Variants in PRKAR1A observed in about 807,000 individuals in gnomAD.
The protein encoded by PRKAR1A is cAMP-dependent protein kinase type I-alpha regulatory subunit.
A neutral mutation model predicts 52.0 loss-of-function variants in PRKAR1A; 3 were observed. That is an observed-to-expected ratio of 0.06 (90% confidence interval 0.03 to 0.15). The LOEUF is 0.15. PRKAR1A is among the 10% of genes least tolerant of loss of function. PRKAR1A has a pLI of 1.00. For synonymous variants in PRKAR1A, 188 were observed against 168.4 expected (o/e 1.12, Z -0.90); for missense variants, 240 against 477.4 (o/e 0.50, Z 4.63).
chr17:68,533,374 C>G lies in PRKAR1A; in HGVS notation c.*2925C>G. On this transcript the variant is annotated 3_prime_UTR_variant, in exon 11 of 11. Transcript: ENST00000589228. ...CTTTTCTAGATTCAGTAATCCCTTC[C>G]CCCCGTCCTCTGGAGTATGAAACCT... 2 of 1,062,114 alleles carry G rather than the reference C, an allele frequency of 1.9e-6. No homozygotes were observed. Among genetic ancestry groups the G allele is most frequent in the South Asian group, 9.1e-5 (2 of 21,936 alleles). The allele number at this position is 1,062,114 out of a possible 1,614,324, so 65.8% of individuals were successfully genotyped here.
Position 68,546,038 on chromosome 17 carries a change from G to A in PRKAR1A, c.974-5046G>A, listed in dbSNP as rs367637248. Among the ~76,000 whole-genome samples the A allele has an allele frequency of 3.0e-3, 455 of 150,696 alleles. 6 individuals carry two copies. Among genetic ancestry groups the A allele is most frequent in the African/African-American group, 0.01 (415 of 40,340 alleles). The stretch of plus-strand genomic sequence containing the variant: ...CAAAAAATTAGCCAGGCATGGTGGC[G>A]CATGCCTGTAGTCCCAGCTACTTGG... On this transcript the variant is annotated intron_variant, in intron 11 of 11. Transcript: ENST00000585981.
downstream of PRKAR1A, chr17:68,535,826 C>T (rs1197576245): frequency 2.2e-6 from 1 of 453,714 alleles, no homozygotes. Context: ...TTTAAGCAAA[C>T]AAATTTGACT....
At chr17:68,442,510 G>T in the PRKAR1A span, among the ~76,000 whole-genome samples, 2 of 151,886 alleles carry the variant, frequency 1.3e-5, no homozygotes, top group African/African-American at 4.8e-5. Flanking sequence ...GCAAGGGAGG[G>T]TGCTCAGTCC....
At chr17:68,517,525 A>G (rs1345171234) in intron 2 of PRKAR1A, among the ~76,000 whole-genome samples, 1 of 152,218 alleles carries the variant, frequency 6.6e-6, no homozygotes, top group African/African-American at 2.4e-5. Flanking sequence ...CAAAATGGGA[A>G]AAGTCCCTTA....
the PRKAR1A span, chr17:68,426,250 G>GGGGGGT: frequency 4.8e-6 from 4 of 828,056 alleles, 1 homozygote; most frequent in Non-Finnish European, 1.9e-6. Flanking sequence ...GGTGGGGAGC[G>GGGGGGT]GGGGCTCAAA....
the PRKAR1A span, among the ~76,000 whole-genome samples, chr17:68,478,958 C>T: frequency 6.6e-6 from 1 of 152,178 alleles, no homozygotes; most frequent in Non-Finnish European, 1.5e-5. Context: ...GAACTCCCAA[C>T]CTCAGGCCAT....
At chr17:68,475,615 C>T in the PRKAR1A span, among the ~76,000 whole-genome samples, 19 of 152,210 alleles carry the variant, frequency 1.2e-4, no homozygotes, top group African/African-American at 3.4e-4. Context: ...AGGCGTGTGC[C>T]ACCACGCCTG....
At chr17:68,413,629 T>C in the PRKAR1A span, 995 of 152,810 alleles carry the variant, frequency 6.5e-3, 3 homozygotes, top group Middle Eastern at 0.023. Context: ...CCTTGAGCTG[T>C]GGTGGGCTCC....
chr17:68,549,114 T>C (rs1047541609), intron 11 of PRKAR1A, among the ~76,000 whole-genome samples: 4 of 152,250 alleles, frequency 2.6e-5, no homozygotes, highest in African/African-American at 9.6e-5. Context: ...AAGGAAATGC[T>C]ACAGGTTCTA....
the PRKAR1A span, among the ~76,000 whole-genome samples, chr17:68,493,092 C>G: frequency 7.3e-6 from 1 of 137,434 alleles, no homozygotes; most frequent in African/African-American, 2.8e-5. Context: ...GCCACATAGA[C>G]ATGTGGTGGG....
chr17:68,523,950 G>A lies in PRKAR1A; in HGVS notation c.441-66G>A, dbSNP rs1568696340. 13 of 1,597,590 alleles carry A rather than the reference G, an allele frequency of 8.1e-6. No individual in the cohort carries two copies. In the East Asian group the frequency reaches 2.9e-4, roughly 36 times the overall value. ...GACAGTCTGGGGTCTTTAATTCTAA[G>A]CTTAATGTTTGAAATTCACGGAAGA... On this transcript the variant is annotated intron_variant, in intron 4 of 10. Coordinates refer to ENST00000589228, the MANE Select transcript of PRKAR1A (RefSeq NM_002734.5).
the PRKAR1A span, among the ~76,000 whole-genome samples, chr17:68,418,613 C>T: frequency 1.3e-5 from 2 of 152,214 alleles, no homozygotes; most frequent in East Asian, 1.9e-4. Context: ...GGTGGTATGG[C>T]TTTGCCCCTA....
chr17:68,541,865 G>T, intron 11 of PRKAR1A: 1 of 1,187,116 alleles, frequency 8.4e-7, no homozygotes, highest in Non-Finnish European at 1.2e-6. Context: ...AATATGAAAT[G>T]GGGCAAAGGA....
At chr17:68,515,334 T>G in intron 1 of PRKAR1A, 60 bp from the exon 2 acceptor site, 2 of 1,588,376 alleles carry the variant, frequency 1.3e-6, no homozygotes, top group East Asian at 4.5e-5. Context: ...GCAAGTTAAA[T>G]GCCAGATTGA....
At chr17:68,543,460 G>C (rs375077764) in intron 11 of PRKAR1A, among the ~76,000 whole-genome samples, 17 of 152,248 alleles carry the variant, frequency 1.1e-4, no homozygotes, top group Admixed American at 4.6e-4. Flanking sequence ...CAATCTGGGG[G>C]GTTGCATGGG....
chr17:68,436,149 G>A, the PRKAR1A span, among the ~76,000 whole-genome samples: 1 of 152,244 alleles, frequency 6.6e-6, no homozygotes, highest in Non-Finnish European at 1.5e-5. Flanking sequence ...CTGCTGGCAA[G>A]TGGTTTTCAT....
At chr17:68,424,821 G>A in the PRKAR1A span, among the ~76,000 whole-genome samples, 4 of 150,498 alleles carry the variant, frequency 2.7e-5, no homozygotes, top group African/African-American at 9.8e-5. Context: ...AGGCTGCAGC[G>A]AGCCGAGATC....
the PRKAR1A span, among the ~76,000 whole-genome samples, chr17:68,416,388 T>C: frequency 2.6e-5 from 4 of 152,230 alleles, no homozygotes; most frequent in African/African-American, 9.6e-5. Context: ...TTAATCCTGA[T>C]AGGTTTTCCT....
intron 2 of PRKAR1A, among the ~76,000 whole-genome samples, chr17:68,518,386 T>C (rs1031130789): frequency 6.6e-6 from 1 of 152,266 alleles, no homozygotes; most frequent in African/African-American, 2.4e-5. Context: ...TCCAGGCATT[T>C]CTGTACATCT....
Sources: gnomAD v4.1 joint callset for allele counts (sites outside exome capture counted in the v4.1 genomes callset) on GRCh38, gnomAD v4.1.1 for gene constraint, MANE v1.5 for transcripts, NCBI Gene and HGNC (gene_info 2026-07-23, HGNC 2026-07-21) for gene names.